Variants in ARSB observed in about 807,000 individuals in gnomAD.
The protein encoded by ARSB is N-acetylgalactosamine-4-sulfatase.
Under a neutral mutation model 50.9 loss-of-function variants are expected in ARSB, and 41 were observed. The observed-to-expected ratio is 0.81, with a 90% CI of 0.63 to 1.04. The LOEUF is 1.04. Ranked by LOEUF, ARSB falls within the 50% of genes least tolerant of loss-of-function variation. ARSB has a pLI of 0.00. For synonymous variants in ARSB, 269 were observed against 284.8 expected (o/e 0.94, Z 0.56); for missense variants, 672 against 693.3 (o/e 0.97, Z 0.35).
chr5:78,836,481 A>C (rs1744960017), intron 6 of ARSB, among the ~76,000 whole-genome samples: 1 of 152,198 alleles, frequency 6.6e-6, no homozygotes. Flanking sequence ...AGGATGCCTA[A>C]ATTTGTGGCG....
At chr5:78,832,347 A>G (rs1744730993) in intron 6 of ARSB, among the ~76,000 whole-genome samples, 1 of 152,188 alleles carries the variant, frequency 6.6e-6, no homozygotes, top group Admixed American at 6.6e-5. Context: ...GCCTTCCAGC[A>G]GGGTGGGGAG....
At chr5:78,868,083 G>T (rs1270864472) in intron 5 of ARSB, among the ~76,000 whole-genome samples, 1 of 143,914 alleles carries the variant, frequency 6.9e-6, no homozygotes, top group African/African-American at 2.6e-5. Context: ...TGAAATGAAT[G>T]AAATGAAGCA....
intron 4 of ARSB, among the ~76,000 whole-genome samples, chr5:78,917,573 C>T (rs989736882): frequency 5.9e-5 from 9 of 152,048 alleles, no homozygotes; most frequent in African/African-American, 2.2e-4. Context: ...AGTGTGGTGG[C>T]ACAATCTTGG....
At chr5:78,851,226 T>A (rs1016547216) in intron 5 of ARSB, among the ~76,000 whole-genome samples, 22 of 152,238 alleles carry the variant, frequency 1.4e-4, no homozygotes, top group African/African-American at 5.3e-4. Context: ...TACACACTGC[T>A]TTGAATGTGT....
intron 6 of ARSB, chr5:78,783,256 T>C (rs1377697337): frequency 6.6e-6 from 1 of 152,064 alleles, no homozygotes; most frequent in East Asian, 1.9e-4. Context: ...TCCATTGGAG[T>C]GGTTAACCCA....
At chr5:78,952,585 C>T (rs989993670) in intron 4 of ARSB, among the ~76,000 whole-genome samples, 1 of 152,138 alleles carries the variant, frequency 6.6e-6, no homozygotes, top group African/African-American at 2.4e-5. Flanking sequence ...GACCTGCCTG[C>T]CTCGGCCTCC....
intron 6 of ARSB, chr5:78,816,118 T>A (rs1040002928): frequency 6.2e-7 from 1 of 1,614,166 alleles, no homozygotes; most frequent in Admixed American, 1.7e-5. Context: ...GGCCAGTCTG[T>A]AAAACACACA....
intron 6 of ARSB, among the ~76,000 whole-genome samples, chr5:78,784,013 AT>A (rs908693252): frequency 7.9e-5 from 12 of 152,254 alleles, no homozygotes; most frequent in African/African-American, 2.2e-4. Context: ...TTTAAAAAAA[AT>A]AAAAGAAACT....
intron 4 of ARSB, among the ~76,000 whole-genome samples, chr5:78,936,640 C>T (rs1750617242): frequency 6.6e-6 from 1 of 152,200 alleles, no homozygotes; most frequent in African/African-American, 2.4e-5. Context: ...GCAGGTCTCA[C>T]TGGTGCCTGC....
chr5:78,903,219 T>C (rs753038254), intron 4 of ARSB, among the ~76,000 whole-genome samples: 24 of 152,286 alleles, frequency 1.6e-4, no homozygotes, highest in Middle Eastern at 3.4e-3. Flanking sequence ...TAAGCACCCA[T>C]CCTGGATGTT....
intron 6 of ARSB, 65 bp downstream of exon 6, chr5:78,839,291 T>G (rs1239853319): frequency 6.9e-7 from 1 of 1,450,364 alleles, no homozygotes; most frequent in Non-Finnish European, 9.7e-7. Flanking sequence ...AGAGACACAC[T>G]AGGTAATCAA....
chr5:78,914,568 A>G (rs1348513779), intron 4 of ARSB, among the ~76,000 whole-genome samples: 2 of 152,212 alleles, frequency 1.3e-5, no homozygotes, highest in African/African-American at 4.8e-5. Context: ...ATCCTTCTCA[A>G]TGCCACACCT....
chr5:78,873,557 G>A (rs909449774), intron 5 of ARSB, among the ~76,000 whole-genome samples: 2 of 131,822 alleles, frequency 1.5e-5, no homozygotes, highest in South Asian at 5.1e-4. Context: ...GTGCAGTGGC[G>A]GGATCTCGGC....
At chr5:78,815,625 A>G in intron 6 of ARSB, 1 of 993,932 alleles carries the variant, frequency 1.0e-6, no homozygotes, top group Non-Finnish European at 1.2e-6. Flanking sequence ...ACTCTTCTCT[A>G]TATGCTATTA....
chr5:78,827,146 G>C (rs1392023582), intron 6 of ARSB, among the ~76,000 whole-genome samples: 1 of 152,066 alleles, frequency 6.6e-6, no homozygotes, highest in East Asian at 1.9e-4. Context: ...CACTGTACCA[G>C]TCACTTCTCA....
chr5:78,890,219 T>A (rs570390625), intron 4 of ARSB, among the ~76,000 whole-genome samples: 24 of 151,722 alleles, frequency 1.6e-4, no homozygotes, highest in African/African-American at 5.6e-4. Context: ...ACCTAGATAT[T>A]CAAATTACAT....
In ARSB at chr5:78,841,663, A is replaced by G. The variant is rs148767674; in HGVS notation, c.1143-2237T>C. On this transcript the variant is annotated intron_variant, in intron 5 of 7. Coordinates refer to ENST00000264914, the MANE Select transcript of ARSB (RefSeq NM_000046.5). The stretch of plus-strand genomic sequence containing the variant: ...ACAATTAAATAAAAACATTTTCCTA[A>G]TAACTTTAGAGAGAGTTTATATACA... Among the ~76,000 whole-genome samples, 10 of 152,356 alleles carry G rather than the reference A, an allele frequency of 6.6e-5. No individual in the cohort carries two copies. In the East Asian group the frequency reaches 1.5e-3, roughly 23 times the overall value.
At chr5:78,855,170 C>T (rs1746073471) in intron 5 of ARSB, among the ~76,000 whole-genome samples, 1 of 152,202 alleles carries the variant, frequency 6.6e-6, no homozygotes, top group Non-Finnish European at 1.5e-5. Flanking sequence ...CATGTCAGCA[C>T]AGCCCTGGGA....
intron 6 of ARSB, among the ~76,000 whole-genome samples, chr5:78,796,535 T>C (rs887229181): frequency 2.7e-4 from 41 of 152,264 alleles, no homozygotes; most frequent in Non-Finnish European, 8.8e-5. Flanking sequence ...TTTTCTTCTT[T>C]CTAAGGTGTC....
Sources: allele counts gnomAD v4.1 joint callset (sites outside exome capture counted in the v4.1 genomes callset), GRCh38; gene constraint gnomAD v4.1.1; transcripts MANE v1.5; gene names NCBI Gene and HGNC (gene_info 2026-07-23, HGNC 2026-07-21).